Variants in WDFY4 observed in about 807,000 individuals in gnomAD.
WDFY4 encodes WDFY family member 4.
Under a neutral mutation model 351.9 loss-of-function variants are expected in WDFY4, and 169 were observed. That is an observed-to-expected ratio of 0.48 (90% CI 0.42 to 0.55). WDFY4 has a LOEUF of 0.55. WDFY4 is among the 20% of genes least tolerant of loss of function. The pLI is 0.00. For synonymous variants in WDFY4, 1,622 were observed against 1,574.6 expected (o/e 1.03, Z -0.71); for missense variants, 3,803 against 3,935.6 (o/e 0.97, Z 0.90).
In WDFY4 at chr10:48,792,375, T is replaced by G. The variant is rs1381180063; in HGVS notation, c.4257+1458T>G. Among the ~76,000 whole-genome samples the G allele has an allele frequency of 5.3e-5, 8 of 152,338 alleles. No individual in the cohort carries two copies. In the East Asian group the frequency reaches 5.8e-4, roughly 11 times the overall value. ...CACTGGAATGCTCAGTCTACACATC[T>G]CTACTGGAATCTTCTAAAGATCCTA... On this transcript the variant is annotated intron_variant, in intron 23 of 61. Coordinates refer to ENST00000325239, the MANE Select transcript of WDFY4 (RefSeq NM_001394531.1).
intron 39 of WDFY4, among the ~76,000 whole-genome samples, chr10:48,852,847 T>C (rs1431410397): frequency 3.3e-5 from 5 of 152,236 alleles, no homozygotes. Context: ...TCTGTTTCGT[T>C]TGCTTTTTGA....
intron 43 of WDFY4, among the ~76,000 whole-genome samples, chr10:48,881,275 T>C (rs1308432529): frequency 1.3e-5 from 2 of 152,228 alleles, no homozygotes; most frequent in Non-Finnish European, 2.9e-5. Context: ...CCAAGGGCCG[T>C]GTCAAGGGAA....
At chr10:48,858,925 A>G (rs990922448) in intron 39 of WDFY4, among the ~76,000 whole-genome samples, 5 of 152,096 alleles carry the variant, frequency 3.3e-5, no homozygotes, top group African/African-American at 1.2e-4. Flanking sequence ...TATGTGTTTT[A>G]TTAGATTTAC....
At chr10:48,794,910 G>A (rs1429174375) in intron 23 of WDFY4, among the ~76,000 whole-genome samples, 1 of 152,226 alleles carries the variant, frequency 6.6e-6, no homozygotes, top group Non-Finnish European at 1.5e-5. Flanking sequence ...GAGCCAGGGT[G>A]TGTTGATAAT....
At chr10:48,817,825 C>G (rs1329577145) in intron 32 of WDFY4, among the ~76,000 whole-genome samples, 1 of 152,214 alleles carries the variant, frequency 6.6e-6, no homozygotes, top group Non-Finnish European at 1.5e-5. Context: ...CTTGCAGGCC[C>G]CTGGGCCATG....
chr10:48,867,368 C>T, intron 40 of WDFY4, 26 bp downstream of exon 40: 1 of 1,408,400 alleles, frequency 7.1e-7, no homozygotes, highest in Non-Finnish European at 9.4e-7. Flanking sequence ...TAGGCTTTCT[C>T]TATACAGCAA....
intron 1 of WDFY4, among the ~76,000 whole-genome samples, chr10:48,693,479 G>A (rs954211166): frequency 2.6e-5 from 4 of 152,108 alleles, no homozygotes; most frequent in Admixed American, 1.3e-4. Flanking sequence ...CACCTCCTTC[G>A]GCACGTTGAA....
At chr10:48,823,888 G>T in intron 35 of WDFY4, 2 of 985,760 alleles carry the variant, frequency 2.0e-6, no homozygotes, top group Non-Finnish European at 2.4e-6. Flanking sequence ...ACATGATAAA[G>T]AAATGAATCC....
intron 51 of WDFY4, among the ~76,000 whole-genome samples, chr10:48,952,044 A>T (rs1310235893): frequency 6.6e-6 from 1 of 152,250 alleles, no homozygotes; most frequent in Non-Finnish European, 1.5e-5. Context: ...TACAAGACAG[A>T]TGCTAACTGC....
At position 48,806,009 on chromosome 10, in the gene WDFY4, G is replaced by A. The variant is rs1349350334; in HGVS notation, c.4652G>A (p.Gly1551Glu). The change falls in exon 27 of 62, where the codon GGG (glycine) becomes GAG (glutamate). Residue 1551 changes from glycine to glutamate, a missense_variant. Physicochemically the swap from Gly to Glu is moderately conservative, Grantham distance 98. Around this residue, in one of 3 missense-constraint regions of WDFY4, gnomAD observed 3,054 missense variants for 3,148.6 expected, o/e 0.97. Transcript: ENST00000325239. ...TTCTCTCCCTGTGTATAAAGGATTG[G>A]GCTGTTTGTTGTGTACACCCTCAAG... is the stretch of plus-strand genomic sequence containing the variant. ...HFSTQDLLRI[G>E]LFVVYTLKPS... 4 of 1,551,728 alleles carry A rather than the reference G, an allele frequency of 2.6e-6. No individual in the cohort carries two copies. The highest frequency in any genetic ancestry group is 2.4e-5 in the South Asian group (2 of 84,062).
At chr10:48,832,784 G>A (rs2068236613) in intron 39 of WDFY4, 75 bp downstream of exon 39, 5 of 1,420,194 alleles carry the variant, frequency 3.5e-6, no homozygotes, top group Non-Finnish European at 4.6e-6. Context: ...TCTCTTCTTT[G>A]CTGCCTGTTA....
chr10:48,725,097 TGAGAC>T (rs2064221811), intron 5 of WDFY4, among the ~76,000 whole-genome samples: 3 of 152,058 alleles, frequency 2.0e-5, no homozygotes, highest in Non-Finnish European at 4.4e-5. Context: ...CAGGGACAGG[TGAGAC>T]CTTGGTCACA....
intron 8 of WDFY4, 78 bp from the exon 9 acceptor site, chr10:48,731,032 T>A (rs2377628): frequency 0.44 from 624,152 of 1,402,716 alleles, 140,767 homozygotes; most frequent in Middle Eastern, 0.54. Flanking sequence ...TGGCATGCCC[T>A]CTTAGTAATG....
At chr10:48,852,750 G>T (rs373950833) in intron 39 of WDFY4, among the ~76,000 whole-genome samples, 4 of 151,980 alleles carry the variant, frequency 2.6e-5, no homozygotes, top group Admixed American at 1.3e-4. Flanking sequence ...AGCCTCTCCC[G>T]TCCTCATCAC....
rs116634564 is a variant in WDFY4, at chr10:48,697,269, C to T, written c.-18+12268C>T. On this transcript the variant is annotated intron_variant, in intron 1 of 61. Transcript: ENST00000325239. ...GTAGAGACCTAGCAGGGGCTCCCAG[C>T]TCCCTTCCCGACCTGCTTTGTGATG... 5.0e-3 allele frequency among the ~76,000 whole-genome samples: 756 copies of T among 152,368 alleles called. 6 individuals are homozygous for T. The highest frequency in any genetic ancestry group is 0.017 in the African/African-American group (723 of 41,572).
At chr10:48,800,118 T>C (rs1422010703) in intron 24 of WDFY4, among the ~76,000 whole-genome samples, 1 of 152,178 alleles carries the variant, frequency 6.6e-6, no homozygotes, top group Admixed American at 6.5e-5. Flanking sequence ...TCTCTTGATC[T>C]CATGATCCGC....
chr10:48,803,219 C>T, intron 24 of WDFY4, 67 bp from the exon 25 acceptor site: 1 of 1,497,036 alleles, frequency 6.7e-7, no homozygotes, highest in East Asian at 2.5e-5. Context: ...CTGACCTTCT[C>T]ATGCTTCCTG....
rs539089752 is a variant in WDFY4 at position 48,962,073 on chromosome 10, TAAG to T, written c.8224-1762_8224-1760del. Among the ~76,000 whole-genome samples, 40 of 152,200 alleles carry T rather than the reference TAAG, an allele frequency of 2.6e-4. No individual in the cohort carries two copies. In the East Asian group the frequency reaches 5.0e-3, roughly 19 times the overall value. ...GGGATATGTGTTGGTTAGCAAGAGG[TAAG>T]AAGAAGGGCCAGCAGAAGGGTCAGC... On this transcript the variant is annotated intron_variant, in intron 53 of 61. Coordinates refer to ENST00000325239, the MANE Select transcript of WDFY4 (RefSeq NM_001394531.1).
intron 30 of WDFY4, among the ~76,000 whole-genome samples, chr10:48,813,545 A>G (rs1164004096): frequency 6.6e-6 from 1 of 152,220 alleles, no homozygotes; most frequent in African/African-American, 2.4e-5. Flanking sequence ...CTCAGCTATT[A>G]AAAAGGCAGA....
Sources: allele counts gnomAD v4.1 joint callset (sites outside exome capture counted in the v4.1 genomes callset), GRCh38; gene constraint gnomAD v4.1.1; regional missense constraint gnomAD v4.1.1; transcripts MANE v1.5; gene names NCBI Gene and HGNC (gene_info 2026-07-23, HGNC 2026-07-21).